The following CLIP4 variants were observed in gnomAD, a reference collection of about 807,000 sequenced individuals.
CLIP4 encodes CAP-Gly domain-containing linker protein 4.
In CLIP4, 47 loss-of-function variants were observed where a neutral mutation model predicts 73.1. That is an observed-to-expected ratio of 0.64 (90% confidence interval 0.51 to 0.82). The LOEUF is 0.82. Among genes scored for constraint, CLIP4 ranks in the 40% least tolerant of loss-of-function variants. CLIP4 has a pLI of 0.00. For synonymous variants in CLIP4, 306 were observed against 295.4 expected (o/e 1.04, Z -0.37); for missense variants, 874 against 852.9 (o/e 1.02, Z -0.31).
intron 7 of CLIP4, 33 bp from the exon 8 acceptor site, chr2:29,145,198 TC>T: frequency 6.3e-7 from 1 of 1,593,042 alleles, no homozygotes; most frequent in Non-Finnish European, 8.6e-7. Context: ...TACTAATAAT[TC>T]CCCAAAATTA....
chr2:29,131,600 C>A (rs1209642421), intron 3 of CLIP4: 7 of 457,088 alleles, frequency 1.5e-5, no homozygotes, highest in African/African-American at 6.2e-5. Context: ...GTACTTCTGA[C>A]ATTTGTAGAC....
chr2:29,103,700 T>TTA (rs144724346), intron 1 of CLIP4, among the ~76,000 whole-genome samples: 3,989 of 151,892 alleles, frequency 0.026, 146 homozygotes, highest in East Asian at 0.09. Context: ...TGTTTTTTTT[T>TTA]TGTTTTTGTT....
intron 11 of CLIP4, among the ~76,000 whole-genome samples, chr2:29,158,719 C>T (rs147059561): frequency 3.5e-4 from 54 of 152,222 alleles, no homozygotes; most frequent in African/African-American, 1.1e-3. Context: ...ATAAAGGATT[C>T]GGGGAATGGG....
chr2:29,117,361 C>T (rs1269494321), intron 1 of CLIP4, among the ~76,000 whole-genome samples: 3 of 145,800 alleles, frequency 2.1e-5, no homozygotes, highest in African/African-American at 5.1e-5. Context: ...TTTTTTGAGA[C>T]GGAGTCTCGC....
chr2:29,130,177 G>C (rs1439001810), intron 2 of CLIP4: 2 of 414,710 alleles, frequency 4.8e-6, no homozygotes, highest in African/African-American at 2.0e-5. Flanking sequence ...GCGGCCCTGG[G>C]TACCAGCACC....
chr2:29,143,691 T>C lies in CLIP4; in HGVS notation c.649-18T>C, dbSNP rs1446329723. The C allele has an allele frequency of 1.9e-6, 3 of 1,541,786 alleles. No individual in the cohort carries two copies. In the African/African-American group the frequency reaches 4.1e-5, roughly 21 times the overall value. On this transcript the variant is annotated intron_variant, in intron 6 of 15. Transcript: ENST00000320081. ...TCTAAGTAAGAGTTGAACATTTTTC[T>C]CTTATCTTTATTTGTAGAATGACAA...
At chr2:29,155,405 T>C (rs897728975) in intron 9 of CLIP4, among the ~76,000 whole-genome samples, 1 of 151,016 alleles carries the variant, frequency 6.6e-6, no homozygotes. Flanking sequence ...CCCAAGTGTA[T>C]ACACACACAC....
rs1391368806 is a variant in CLIP4 at position 29,152,798 on chromosome 2, G to A, written c.1135G>A (p.Val379Ile). Residue 379 changes from valine (V) to isoleucine (I), a missense_variant, in exon 9 of 16, where the codon GTA (valine) becomes ATA (isoleucine). Coordinates refer to ENST00000320081, the MANE Select transcript of CLIP4 (RefSeq NM_024692.6). Reference sequence around the variant, plus strand: ...TCTCATCAGGTCCCAGAAAATTGACGTAGCTCATGTGACGTCAAAAGTAAA... The same window carrying A: ...TCTCATCAGGTCCCAGAAAATTGACATAGCTCATGTGACGTCAAAAGTAAA... ...VPLIRSQKID[V>I]AHVTSKVNTG... The A allele has an allele frequency of 5.0e-6, 8 of 1,613,522 alleles. No individual in the cohort carries two copies. The highest frequency in any genetic ancestry group is 3.3e-5 in the South Asian group (3 of 91,052).
intron 13 of CLIP4, among the ~76,000 whole-genome samples, chr2:29,166,869 A>G (rs983415406): frequency 6.6e-6 from 1 of 152,218 alleles, no homozygotes; most frequent in Non-Finnish European, 1.5e-5. Context: ...TGACAAATGA[A>G]GGCTTTCCAG....
At chr2:29,138,214 T>C (rs1665509368) in intron 6 of CLIP4, among the ~76,000 whole-genome samples, 1 of 152,186 alleles carries the variant, frequency 6.6e-6, no homozygotes, top group African/African-American at 2.4e-5. Flanking sequence ...AGTTTCATTG[T>C]TCTGCATATG....
chr2:29,113,399 A>G (rs7606575), upstream of CLIP4, among the ~76,000 whole-genome samples: 3,556 of 152,276 alleles, frequency 0.023, 116 homozygotes, highest in East Asian at 0.091. This position sits in a 1 kb window ranked among gnomAD's most constrained non-coding sequence, Gnocchi z 4.0. Context: ...AGTTCTGGCC[A>G]CATATCATTG....
intron 2 of CLIP4, among the ~76,000 whole-genome samples, chr2:29,123,747 A>C (rs1262504984): frequency 6.6e-6 from 1 of 152,202 alleles, no homozygotes; most frequent in African/African-American, 2.4e-5. Flanking sequence ...ATGCGGGGTC[A>C]TGTAGGCCCC....
intron 1 of CLIP4, among the ~76,000 whole-genome samples, chr2:29,103,379 ACCC>A (rs1668105863): frequency 6.6e-6 from 1 of 151,850 alleles, no homozygotes; most frequent in Non-Finnish European, 1.5e-5. Flanking sequence ...TTTCTAAAAC[ACCC>A]AATTTAGTCT....
intron 6 of CLIP4, among the ~76,000 whole-genome samples, chr2:29,139,216 A>G (rs1399993563): frequency 1.3e-5 from 2 of 151,422 alleles, no homozygotes; most frequent in African/African-American, 4.9e-5. Flanking sequence ...TTTATCATGA[A>G]GGGGTGTTGG....
intron 1 of CLIP4, among the ~76,000 whole-genome samples, chr2:29,120,253 G>A (rs76192195): frequency 0.011 from 1,682 of 152,186 alleles, 17 homozygotes; most frequent in Non-Finnish European, 0.018. Context: ...ATAAGCATAC[G>A]ATTTTTGAGG....
chr2:29,134,350 C>G (rs960007543), intron 5 of CLIP4, among the ~76,000 whole-genome samples: 3 of 151,948 alleles, frequency 2.0e-5, no homozygotes, highest in African/African-American at 7.3e-5. Context: ...TCTTGGGGCC[C>G]AATTTTCTTT....
At chr2:29,179,568 G>T (rs1668532983) in intron 15 of CLIP4, among the ~76,000 whole-genome samples, 1 of 152,174 alleles carries the variant, frequency 6.6e-6, no homozygotes, top group South Asian at 2.1e-4. Flanking sequence ...CCATTATAAG[G>T]AGGTAATAAT....
At chr2:29,175,050 T>A (rs966333955) in intron 15 of CLIP4, among the ~76,000 whole-genome samples, 1 of 152,090 alleles carries the variant, frequency 6.6e-6, no homozygotes, top group Non-Finnish European at 1.5e-5. Flanking sequence ...TGCCAGTTAA[T>A]CTATGAATAA....
intron 12 of CLIP4, among the ~76,000 whole-genome samples, chr2:29,161,062 C>T (rs1432478697): frequency 1.3e-5 from 2 of 152,148 alleles, no homozygotes; most frequent in Non-Finnish European, 2.9e-5. Context: ...GCAACCTCTG[C>T]CTCCTGGGTT....
Sources: gnomAD v4.1 joint callset for allele counts (sites outside exome capture counted in the v4.1 genomes callset) on GRCh38, gnomAD v4.1.1 for gene constraint, Gnocchi (gnomAD v3.1) non-coding constraint, MANE v1.5 for transcripts, NCBI Gene and HGNC (gene_info 2026-07-23, HGNC 2026-07-21) for gene names.